The following TPRG1 variants were observed in gnomAD, a reference collection of about 807,000 sequenced individuals.
TPRG1 encodes the protein tumor protein p63-regulated gene 1 protein.
Under a neutral mutation model 29.3 loss-of-function variants are expected in TPRG1, and 29 were observed. That is an observed-to-expected ratio of 0.99 (90% CI 0.74 to 1.35). TPRG1 has a LOEUF of 1.35. TPRG1 is among the 40% of genes most tolerant of loss of function. The pLI, the probability that TPRG1 is intolerant of heterozygous loss-of-function variation, is 0.00. For synonymous variants in TPRG1, 130 were observed against 116.8 expected (o/e 1.11, Z -0.73); for missense variants, 327 against 335.0 (o/e 0.98, Z 0.19).
At chr3:189,153,530 TG>T (rs1418041297) in intron 5 of TPRG1, among the ~76,000 whole-genome samples, 1 of 151,744 alleles carries the variant, frequency 6.6e-6, no homozygotes, top group Non-Finnish European at 1.5e-5. Flanking sequence ...AGTCATTGGA[TG>T]TTTGGGGTGA....
chr3:189,233,295 A>G (rs1738966175), intron 3 of TPRG1, among the ~76,000 whole-genome samples: 1 of 152,126 alleles, frequency 6.6e-6, no homozygotes, highest in South Asian at 2.1e-4. Flanking sequence ...CACAGCTTTA[A>G]AAGAGCAACT....
At chr3:189,170,568 A>G (rs1012285401), upstream of TPRG1, among the ~76,000 whole-genome samples, 16 of 152,234 alleles carry the variant, frequency 1.1e-4, no homozygotes, top group African/African-American at 3.6e-4. Context: ...TTCACTTACA[A>G]ATTTTATCTT....
chr3:189,163,577 G>A (rs1358873841), intron 5 of TPRG1, among the ~76,000 whole-genome samples: 1 of 152,138 alleles, frequency 6.6e-6, no homozygotes, highest in African/African-American at 2.4e-5. Context: ...AGATAAACCT[G>A]TTTCTTTAAT....
intron 1 of TPRG1, among the ~76,000 whole-genome samples, chr3:189,122,888 AGATT>A (rs1238593980): frequency 6.6e-6 from 1 of 152,240 alleles, no homozygotes; most frequent in Non-Finnish European, 1.5e-5. Context: ...TCAAATAGTT[AGATT>A]ATCTTACTCA....
At chr3:189,267,091 A>G in intron 4 of TPRG1, among the ~76,000 whole-genome samples, 1 of 152,192 alleles carries the variant, frequency 6.6e-6, no homozygotes, top group East Asian at 1.9e-4. Flanking sequence ...ACAAAATTAT[A>G]TCATATTTTA....
chr3:189,105,059 C>A (rs1481780031), intron 1 of TPRG1, among the ~76,000 whole-genome samples: 1 of 152,100 alleles, frequency 6.6e-6, no homozygotes, highest in African/African-American at 2.4e-5. Context: ...AATAAAATTT[C>A]TTTTCATGGC....
At chr3:189,137,729 C>A (rs376316779) in intron 3 of TPRG1, among the ~76,000 whole-genome samples, 1 of 152,258 alleles carries the variant, frequency 6.6e-6, no homozygotes, top group South Asian at 2.1e-4. Context: ...GTCTACAACA[C>A]TTTATGCCTG....
intron 3 of TPRG1, among the ~76,000 whole-genome samples, chr3:189,136,701 G>T (rs774942821): frequency 2.6e-5 from 4 of 152,074 alleles, no homozygotes; most frequent in Non-Finnish European, 4.4e-5. Flanking sequence ...CCTCATCAAG[G>T]TTATTATGCA....
At chr3:189,024,593 C>T (rs114899383) in intron 4 of TPRG1, among the ~76,000 whole-genome samples, 215 of 152,170 alleles carry the variant, frequency 1.4e-3, no homozygotes, top group African/African-American at 4.9e-3. Flanking sequence ...CTTGTCCAGA[C>T]GGTTTGGACT....
chr3:189,202,466 TA>T (rs1733660030), intron 1 of TPRG1, among the ~76,000 whole-genome samples: 1 of 152,192 alleles, frequency 6.6e-6, no homozygotes. Context: ...ACATCAATAT[TA>T]AAACTTCTGT....
intron 4 of TPRG1, among the ~76,000 whole-genome samples, chr3:189,297,920 A>T (rs929614213): frequency 2.6e-5 from 4 of 152,274 alleles, no homozygotes; most frequent in East Asian, 1.9e-4. Flanking sequence ...GAACACTAGG[A>T]CTGGGAGAAA....
rs34934049 is a variant in TPRG1 at position 189,235,217 on chromosome 3, C to CTTTT, written c.303-3502_303-3499dup. On this transcript the variant is annotated intron_variant, in intron 3 of 5. Transcript: ENST00000345063. The stretch of plus-strand genomic sequence containing the variant: ...GGTAGGGCGGTAAAGATGAGGTTTG[C>CTTTT]TTTTTTTTTTTTTTTTTCCAAAGGA... Among the ~76,000 whole-genome samples the CTTTT allele has an allele frequency of 5.3e-3, 687 of 129,636 alleles. 14 individuals are homozygous for CTTTT. The highest frequency in any genetic ancestry group is 0.028 in the East Asian group (122 of 4,296). The allele number at this position is 129,636 out of a possible 152,430, so 85.0% of individuals were successfully genotyped here.
intron 4 of TPRG1, among the ~76,000 whole-genome samples, chr3:189,255,576 T>A (rs1711704709): frequency 6.6e-6 from 1 of 152,222 alleles, no homozygotes; most frequent in Admixed American, 6.5e-5. Context: ...TTCTATTGTT[T>A]GGAATCGTTT....
intron 3 of TPRG1, among the ~76,000 whole-genome samples, chr3:189,216,708 A>G (rs1736124799): frequency 6.6e-6 from 1 of 152,172 alleles, no homozygotes; most frequent in South Asian, 2.1e-4. Flanking sequence ...TCATTTCTAT[A>G]CTATCCATCT....
chr3:189,063,425 C>T (rs1486819899), intron 4 of TPRG1, among the ~76,000 whole-genome samples: 2 of 151,932 alleles, frequency 1.3e-5, no homozygotes, highest in Admixed American at 6.6e-5. Flanking sequence ...AGTATCTAAA[C>T]GACATATGTA....
chr3:189,282,525 C>T (rs1241885671), intron 4 of TPRG1, among the ~76,000 whole-genome samples: 1 of 151,926 alleles, frequency 6.6e-6, no homozygotes, highest in Non-Finnish European at 1.5e-5. Context: ...TTCTTTCTTC[C>T]TCTCTCCCCC....
intron 3 of TPRG1, among the ~76,000 whole-genome samples, chr3:189,237,297 G>A (rs781332503): frequency 3.3e-5 from 5 of 150,912 alleles, no homozygotes; most frequent in East Asian, 2.0e-4. Flanking sequence ...GCACACACAC[G>A]CACACACACA....
chr3:189,193,415 G>A (rs186977975), intron 1 of TPRG1, among the ~76,000 whole-genome samples: 1 of 151,946 alleles, frequency 6.6e-6, no homozygotes, highest in East Asian at 1.9e-4. Context: ...TAATCTATTT[G>A]GGTACTTTTT....
chr3:189,119,824 G>T (rs768375364), intron 1 of TPRG1, among the ~76,000 whole-genome samples: 16 of 152,172 alleles, frequency 1.1e-4, no homozygotes, highest in Non-Finnish European at 1.6e-4. Context: ...AAATTACCCA[G>T]TCTCAGGTAT....
Sources: allele counts gnomAD v4.1 joint callset (sites outside exome capture counted in the v4.1 genomes callset), GRCh38; gene constraint gnomAD v4.1.1; transcripts MANE v1.5; gene names NCBI Gene and HGNC (gene_info 2026-07-23, HGNC 2026-07-21).